The following HECW2 variants were observed in gnomAD, a reference collection of about 807,000 sequenced individuals.
HECW2 encodes the protein E3 ubiquitin-protein ligase HECW2.
In HECW2, 61 loss-of-function variants were observed where a neutral mutation model predicts 175.2. That is an observed-to-expected ratio of 0.35 (90% CI 0.28 to 0.43). The LOEUF (loss-of-function observed/expected upper bound fraction) is 0.43, where lower values mean the gene tolerates loss of function less well. Among genes scored for constraint, HECW2 ranks in the 20% least tolerant of loss-of-function variants. HECW2 has a pLI of 1.00. For missense variants in HECW2, 1,524 were observed against 2,000.5 expected (o/e 0.76, Z 4.54); for synonymous variants, 671 against 731.0 (o/e 0.92, Z 1.32).
intron 17 of HECW2, among the ~76,000 whole-genome samples, chr2:196,269,695 A>G (rs890592114): frequency 3.3e-5 from 5 of 152,182 alleles, no homozygotes; most frequent in African/African-American, 1.2e-4. Flanking sequence ...AGGCTCTTAA[A>G]ATCTAATTGG....
chr2:196,359,812 T>C (rs1339442530), intron 2 of HECW2, among the ~76,000 whole-genome samples: 1 of 152,176 alleles, frequency 6.6e-6, no homozygotes, highest in Non-Finnish European at 1.5e-5. Context: ...GTTAGAAGCA[T>C]GTGGGAATGG....
rs6705832 is a variant in HECW2 at position 196,545,354 on chromosome 2, G to A, written c.-36+48154C>T. 4.5e-3 allele frequency among the ~76,000 whole-genome samples: 680 copies of A among 152,216 alleles called. 5 individuals are homozygous for A. The highest frequency in any genetic ancestry group is 0.015 in the African/African-American group (637 of 41,508). ...GTAAGGATATGAGCTGGAACACACT[G>A]AGGGCCATATCAAAGAGAGAGCATT... On this transcript the variant is annotated intron_variant, in intron 1 of 28. Transcript: ENST00000644978.
At chr2:196,589,895 C>T (rs949670072) in intron 1 of HECW2, among the ~76,000 whole-genome samples, 8 of 152,184 alleles carry the variant, frequency 5.3e-5, no homozygotes, top group African/African-American at 1.9e-4. Flanking sequence ...ACAGCCACGG[C>T]AGATGCTTAG....
intron 4 of HECW2, among the ~76,000 whole-genome samples, chr2:196,330,838 T>C (rs1227472963): frequency 6.6e-6 from 1 of 152,218 alleles, no homozygotes; most frequent in East Asian, 1.9e-4. Flanking sequence ...GTATCTGGAA[T>C]TGAGCCAATT....
intron 2 of HECW2, among the ~76,000 whole-genome samples, chr2:196,390,420 A>G (rs904879672): frequency 2.6e-5 from 4 of 152,154 alleles, no homozygotes; most frequent in African/African-American, 7.2e-5. Context: ...TACTCCCCCA[A>G]ATGATCACTT....
At chr2:196,445,520 A>T (rs1296796535) in intron 1 of HECW2, among the ~76,000 whole-genome samples, 1 of 152,206 alleles carries the variant, frequency 6.6e-6, no homozygotes, top group Non-Finnish European at 1.5e-5. Flanking sequence ...ACTAAAAAGG[A>T]TTTTTTGAGT....
chr2:196,243,483 A>G (rs1408171488), intron 19 of HECW2, among the ~76,000 whole-genome samples: 2 of 152,106 alleles, frequency 1.3e-5, no homozygotes, highest in Non-Finnish European at 2.9e-5. Flanking sequence ...TGCATTCTTA[A>G]CATGTGCCAA....
At chr2:196,270,714 T>A (rs1040846745) in intron 17 of HECW2, among the ~76,000 whole-genome samples, 2 of 152,158 alleles carry the variant, frequency 1.3e-5, no homozygotes, top group Non-Finnish European at 2.9e-5. Context: ...TATTTATTTT[T>A]TTTTTGAGAC....
chr2:196,554,924 G>A (rs182569251), intron 1 of HECW2, among the ~76,000 whole-genome samples: 29 of 152,176 alleles, frequency 1.9e-4, no homozygotes, highest in African/African-American at 6.5e-4. Flanking sequence ...ATCCCTGCAC[G>A]GGACAACAGA....
At chr2:196,402,010 C>T (rs1322796820) in intron 2 of HECW2, among the ~76,000 whole-genome samples, 4 of 151,758 alleles carry the variant, frequency 2.6e-5, no homozygotes, top group East Asian at 1.9e-4. Flanking sequence ...ACCATCCTGG[C>T]TAACATGGTG....
intron 2 of HECW2, among the ~76,000 whole-genome samples, chr2:196,405,191 G>A (rs940636208): frequency 2.6e-5 from 4 of 151,766 alleles, no homozygotes; most frequent in Non-Finnish European, 4.4e-5. Flanking sequence ...TACTCCCCTG[G>A]AAAAACCCAA....
intron 14 of HECW2, chr2:196,289,255 T>C (rs950028845): frequency 6.6e-6 from 1 of 152,168 alleles, no homozygotes; most frequent in Non-Finnish European, 1.5e-5. Flanking sequence ...GATGAGGATA[T>C]GGACATCCTG....
At chr2:196,565,892 C>T (rs1274491354) in intron 1 of HECW2, among the ~76,000 whole-genome samples, 1 of 152,128 alleles carries the variant, frequency 6.6e-6, no homozygotes, top group Non-Finnish European at 1.5e-5. Flanking sequence ...TACTTTCAAA[C>T]TCAAGCAGTT....
chr2:196,300,296 CT>C (rs1444184120), intron 13 of HECW2, among the ~76,000 whole-genome samples: 1 of 152,192 alleles, frequency 6.6e-6, no homozygotes, highest in Admixed American at 6.5e-5. Context: ...AAAATATTTA[CT>C]CTCTGGCCCT....
chr2:196,414,483 G>A (rs74549781), intron 2 of HECW2, among the ~76,000 whole-genome samples: 10,459 of 152,286 alleles, frequency 0.069, 442 homozygotes, highest in South Asian at 0.15. Flanking sequence ...GTATCGCCAT[G>A]ATCTGGTGCG....
intron 1 of HECW2, among the ~76,000 whole-genome samples, chr2:196,483,192 C>T (rs1686900604): frequency 6.7e-6 from 1 of 149,748 alleles, no homozygotes; most frequent in African/African-American, 2.5e-5. Context: ...ACAAGCATAA[C>T]AATAATATGG....
intron 1 of HECW2, among the ~76,000 whole-genome samples, chr2:196,490,333 T>A (rs1687143864): frequency 6.6e-6 from 1 of 152,218 alleles, no homozygotes; most frequent in African/African-American, 2.4e-5. Context: ...GTTTCATCTT[T>A]CTCGTGAAAT....
At chr2:196,405,120 C>T (rs1299400971) in intron 2 of HECW2, among the ~76,000 whole-genome samples, 7 of 151,850 alleles carry the variant, frequency 4.6e-5, no homozygotes, top group Non-Finnish European at 1.0e-4. Context: ...TGTGAGCCAT[C>T]GCGCCCGGCC....
At chr2:196,496,843 A>G (rs1421222917) in intron 1 of HECW2, among the ~76,000 whole-genome samples, 1 of 152,228 alleles carries the variant, frequency 6.6e-6, no homozygotes, top group Admixed American at 6.5e-5. Flanking sequence ...GTCTCCATCC[A>G]TCTATTCTAT....
Sources: allele counts gnomAD v4.1 joint callset (sites outside exome capture counted in the v4.1 genomes callset), GRCh38; gene constraint gnomAD v4.1.1; transcripts MANE v1.5; gene names NCBI Gene and HGNC (gene_info 2026-07-23, HGNC 2026-07-21).